The following AHDC1 variants were observed in gnomAD, a reference collection of about 807,000 sequenced individuals.
AHDC1 encodes AT-hook DNA binding motif containing 1.
A neutral mutation model predicts 87.9 loss-of-function variants in AHDC1; 7 were observed. The observed-to-expected ratio is 0.08, with a 90% CI of 0.05 to 0.15. The LOEUF is 0.15. AHDC1 is among the 10% of genes least tolerant of loss of function. The probability of loss-of-function intolerance (pLI) is 1.00; values close to 1 mark genes in which losing one functional copy is unlikely to be tolerated. For synonymous variants in AHDC1, 1,051 were observed against 1,006.8 expected (o/e 1.04, Z -0.83); for missense variants, 1,841 against 2,253.2 (o/e 0.82, Z 3.70).
In AHDC1 at chr1:27,560,625, CGTGT is replaced by C. The variant is rs1482394239; in HGVS notation, c.-628-1746_-628-1743del. ...CTTTCACCATGGGTCAGTATGTGCT[CGTGT>C]GTGTGTCCATGCATGTGTGGATTTG... On this transcript the variant is annotated intron_variant, in intron 3 of 8. Transcript: ENST00000673934. This position sits in a 1 kb window ranked among gnomAD's most constrained non-coding sequence, Gnocchi z 4.1. Among the ~76,000 whole-genome samples, 16 of 151,818 alleles carry C rather than the reference CGTGT, an allele frequency of 1.1e-4. No homozygotes were observed. Among genetic ancestry groups the C allele is most frequent in the Non-Finnish European group, 1.9e-4 (13 of 67,912 alleles).
At position 27,574,046 on chromosome 1, in the gene AHDC1, G is replaced by A. The variant is rs114636617; in HGVS notation, c.-628-15163C>T. ...GCCCAGGCCCAACATCCTGGGCTAA[G>A]GAGGAACCCCGAGGCATCTGAATTT... On this transcript the variant is annotated intron_variant, in intron 3 of 8. Transcript: ENST00000673934. 2.0e-3 allele frequency among the ~76,000 whole-genome samples: 305 copies of A among 152,312 alleles called. 3 individuals are homozygous for A. Among genetic ancestry groups the A allele is most frequent in the African/African-American group, 7.1e-3 (294 of 41,560 alleles).
intron 3 of AHDC1, among the ~76,000 whole-genome samples, chr1:27,589,363 A>C (rs540850493): frequency 6.6e-6 from 1 of 151,648 alleles, no homozygotes; most frequent in Non-Finnish European, 1.5e-5. Context: ...CTTTGTCTCT[A>C]TATGTTTCTG....
At chr1:27,542,472 A>G (rs1289383478) in intron 8 of AHDC1, among the ~76,000 whole-genome samples, 1 of 152,232 alleles carries the variant, frequency 6.6e-6, no homozygotes, top group Non-Finnish European at 1.5e-5. Context: ...TGACTCACAC[A>G]GGCTGGTCAG....
At chr1:27,600,743 G>C (rs1396549494) in intron 3 of AHDC1, among the ~76,000 whole-genome samples, 1 of 152,146 alleles carries the variant, frequency 6.6e-6, no homozygotes, top group Non-Finnish European at 1.5e-5. Flanking sequence ...CAATCAGGTG[G>C]AGACCCCATC....
At chr1:27,573,627 C>T (rs1271297335) in intron 3 of AHDC1, among the ~76,000 whole-genome samples, 1 of 152,172 alleles carries the variant, frequency 6.6e-6, no homozygotes, top group African/African-American at 2.4e-5. Flanking sequence ...CTCATTCCTG[C>T]TCCACTTCCT....
At position 27,547,173 on chromosome 1, in the gene AHDC1, C is replaced by T. The variant is rs761826463; in HGVS notation, c.*43+88G>A. Reference sequence around the variant, plus strand: ...CCTTAAATCCTGCATTTGCTTCCTGCACTCCATACCTCTGTCCTTGCCTAA... The same window carrying T: ...CCTTAAATCCTGCATTTGCTTCCTGTACTCCATACCTCTGTCCTTGCCTAA... On this transcript the variant is annotated intron_variant, in intron 8 of 8. Transcript: ENST00000673934. The surrounding 1 kb of genome is among the most constrained non-coding windows in gnomAD (Gnocchi z 4.9). 10 of 929,286 alleles carry T rather than the reference C, an allele frequency of 1.1e-5. No homozygotes were observed. The highest frequency in any genetic ancestry group is 1.6e-5 in the Non-Finnish European group (10 of 635,286). The allele number at this position is 929,286 out of a possible 1,614,324, so 57.6% of individuals were successfully genotyped here.
At chr1:27,583,807 G>A (rs2088974716) in intron 3 of AHDC1, among the ~76,000 whole-genome samples, 1 of 151,884 alleles carries the variant, frequency 6.6e-6, no homozygotes, top group Non-Finnish European at 1.5e-5. Flanking sequence ...CCTGCTTCAT[G>A]AGCAAATGTG....
chr1:27,569,935 A>G (rs2020495899), intron 3 of AHDC1, among the ~76,000 whole-genome samples: 1 of 152,062 alleles, frequency 6.6e-6, no homozygotes, highest in African/African-American at 2.4e-5. Context: ...GAGTCTGGCT[A>G]GGGAGAAGGA....
intron 5 of AHDC1, among the ~76,000 whole-genome samples, chr1:27,555,450 A>G (rs937142673): frequency 6.6e-6 from 1 of 152,068 alleles, no homozygotes; most frequent in Non-Finnish European, 1.5e-5. Context: ...AGGCTCCAGG[A>G]CTCAGCTGCT....
At position 27,561,447 on chromosome 1, in the gene AHDC1, A is replaced by C. The variant is rs2020077775; in HGVS notation, c.-628-2564T>G. Among the ~76,000 whole-genome samples the C allele has an allele frequency of 6.6e-6, 1 of 152,140 alleles. No individual in the cohort carries two copies. The highest frequency in any genetic ancestry group is 6.5e-5 in the Admixed American group (1 of 15,276). ...CCCACCCAGTGTAAATGAACTTCCA[A>C]CAGTGCCCACACAGGCTGGGGGAGC... On this transcript the variant is annotated intron_variant, in intron 3 of 8. Transcript: ENST00000673934. This position sits in a 1 kb window ranked among gnomAD's most constrained non-coding sequence, Gnocchi z 4.2.
At position 27,548,442 on chromosome 1, in the gene AHDC1, A is replaced by C. The variant is rs766096786; in HGVS notation, c.3674T>G (p.Phe1225Cys). The C allele has an allele frequency of 5.6e-6, 9 of 1,613,668 alleles. No homozygotes were observed. Among genetic ancestry groups the C allele is most frequent in the Non-Finnish European group, 7.6e-6 (9 of 1,179,880 alleles). ...PGYNWNQSVLFQSSSKPGRGR... is the reference protein window; with the variant it reads ...PGYNWNQSVLCQSSSKPGRGR... ...ACGGCCCGGCTTGGAGCTACTCTGA[A>C]AGAGGACACTCTGGTTCCAGTTGTA... The change falls in exon 8 of 9, where the codon TTT becomes TGT. Residue 1225 changes from phenylalanine (F) to cysteine (C), a missense_variant. Phe to Cys is a radical substitution (Grantham distance 205, BLOSUM62 -2). This residue lies in a region of AHDC1 where 505 missense variants were observed against 626.2 expected (regional missense o/e 0.81). Transcript: ENST00000673934.
intron 3 of AHDC1, among the ~76,000 whole-genome samples, chr1:27,585,922 ATCCCCCTG>A (rs1173930582): frequency 6.6e-6 from 1 of 152,206 alleles, no homozygotes; most frequent in Non-Finnish European, 1.5e-5. Context: ...CAAGGGGTTA[ATCCCCCTG>A]GAGGTCTGTC....
In AHDC1 at chr1:27,595,736, T is replaced by G. The variant is rs2089352280; in HGVS notation, c.-629+7661A>C. ...AAGAATGGGTCTCTGATATCAGAGA[T>G]GTGCCACAGGCTATCGTCCGTGCAT... On this transcript the variant is annotated intron_variant, in intron 3 of 8. Transcript: ENST00000673934. This position sits in a 1 kb window ranked among gnomAD's most constrained non-coding sequence, Gnocchi z 4.0. 6.6e-6 allele frequency among the ~76,000 whole-genome samples: 1 copy of G among 151,946 alleles called. No individual in the cohort carries two copies. The highest frequency in any genetic ancestry group is 6.6e-5 in the Admixed American group (1 of 15,266).
At position 27,551,521 on chromosome 1, in the gene AHDC1, C is replaced by T. The variant is rs764235397; in HGVS notation, c.595G>A (p.Glu199Lys). The T allele has an allele frequency of 1.0e-5, 16 of 1,604,016 alleles. No individual in the cohort carries two copies. Among genetic ancestry groups the T allele is most frequent in the South Asian group, 6.6e-5 (6 of 90,472 alleles). The change falls in exon 8 of 9, where the codon GAG becomes AAG. Residue 199 changes from glutamate (E) to lysine (K), a missense_variant. Coordinates refer to ENST00000673934, the MANE Select transcript of AHDC1 (RefSeq NM_001371928.1). ...CTGTCCCTAGGCTCAGGCTCAGGCTCGTAGAGGGGATGGCTGGGCCGCTCC... is the reference window on the plus strand; with the variant it reads ...CTGTCCCTAGGCTCAGGCTCAGGCTTGTAGAGGGGATGGCTGGGCCGCTCC... ...KSERPSHPLY[E>K]PEPEPRDSPQ... is the part of the protein sequence containing the mutation.
chr1:27,542,307 T>C (rs1006422583), intron 8 of AHDC1, among the ~76,000 whole-genome samples: 8 of 152,194 alleles, frequency 5.3e-5, no homozygotes, highest in East Asian at 3.8e-4. Context: ...CTCGGCCCAA[T>C]TGCTAACGCA....
intron 3 of AHDC1, among the ~76,000 whole-genome samples, chr1:27,588,161 A>T (rs1009508132): frequency 1.3e-5 from 2 of 152,218 alleles, no homozygotes; most frequent in South Asian, 4.1e-4. Flanking sequence ...TTCTCAGCAT[A>T]ACACACTTGA....
At chr1:27,588,804 A>G (rs955050969) in intron 3 of AHDC1, among the ~76,000 whole-genome samples, 2 of 152,010 alleles carry the variant, frequency 1.3e-5, no homozygotes, top group African/African-American at 4.8e-5. Flanking sequence ...GCATGCCATG[A>G]CGGCTTGGGT....
chr1:27,587,693 G>A (rs2089099886), intron 3 of AHDC1, among the ~76,000 whole-genome samples: 1 of 152,158 alleles, frequency 6.6e-6, no homozygotes, highest in African/African-American at 2.4e-5. Flanking sequence ...GCCCTCAGAA[G>A]ATGCTCAGTA....
chr1:27,577,853 A>G (rs567733908), intron 3 of AHDC1, among the ~76,000 whole-genome samples: 2 of 152,264 alleles, frequency 1.3e-5, no homozygotes, highest in South Asian at 2.1e-4. Flanking sequence ...CTCAGAGGTG[A>G]TACTGAATAC....
Sources: gnomAD v4.1 joint callset for allele counts (sites outside exome capture counted in the v4.1 genomes callset) on GRCh38, gnomAD v4.1.1 for gene constraint, gnomAD v4.1.1 regional missense constraint, Gnocchi (gnomAD v3.1) non-coding constraint, MANE v1.5 for transcripts, NCBI Gene and HGNC (gene_info 2026-07-23, HGNC 2026-07-21) for gene names.